The following BLTP2 variants were observed in gnomAD, a reference collection of about 807,000 sequenced individuals.
The protein encoded by BLTP2 is bridge-like lipid transfer protein family member 2.
the BLTP2 span, chr17:28,639,219 A>G: frequency 1.5e-6 from 2 of 1,296,926 alleles, no homozygotes. Context: ...GAGGTCAAAC[A>G]ACCAAATACA....
the BLTP2 span, chr17:28,615,272 A>G: frequency 8.9e-6 from 14 of 1,565,562 alleles, no homozygotes; most frequent in Non-Finnish European, 1.2e-5. Context: ...GGAGTAAAAG[A>G]AAATGTAAAT....
chr17:28,643,184 A>T, the BLTP2 span: 1 of 1,614,220 alleles, frequency 6.2e-7, no homozygotes, highest in Non-Finnish European at 8.5e-7. Flanking sequence ...ATCTTCAATA[A>T]GGATGGGCTG....
the BLTP2 span, chr17:28,635,415 G>A: frequency 6.2e-7 from 1 of 1,614,188 alleles, no homozygotes; most frequent in Non-Finnish European, 8.5e-7. Context: ...GCCGCTTTGG[G>A]GGTAATGGCT....
At chr17:28,640,804 C>A in the BLTP2 span, 6 of 866,026 alleles carry the variant, frequency 6.9e-6, no homozygotes, top group South Asian at 9.7e-5. Context: ...AATGCCTAAG[C>A]TGGATGGACC....
At chr17:28,620,399 A>G in the BLTP2 span, 1 of 1,269,684 alleles carries the variant, frequency 7.9e-7, no homozygotes, top group Admixed American at 2.2e-5. Context: ...ACCAACCACA[A>G]GGCCCTTTTT....
At chr17:28,618,427 A>G in the BLTP2 span, among the ~76,000 whole-genome samples, 1 of 151,598 alleles carries the variant, frequency 6.6e-6, no homozygotes, top group Non-Finnish European at 1.5e-5. Context: ...AATTTTTAAA[A>G]TTTTTGTTGA....
the BLTP2 span, chr17:28,617,424 T>C: frequency 1.4e-6 from 1 of 725,014 alleles, no homozygotes; most frequent in Non-Finnish European, 2.4e-6. Flanking sequence ...ATATGCCTAA[T>C]CCCAACCTTG....
chr17:28,621,033 C>T, the BLTP2 span: 2 of 1,614,188 alleles, frequency 1.2e-6, no homozygotes, highest in African/African-American at 1.3e-5. Flanking sequence ...TTCTCAAGAA[C>T]TTCAGGTGGC....
At chr17:28,642,329 G>C in the BLTP2 span, 5 of 1,614,150 alleles carry the variant, frequency 3.1e-6, no homozygotes, top group Non-Finnish European at 4.2e-6. Flanking sequence ...TCACCTCACA[G>C]ATTAGCCTGG....
the BLTP2 span, chr17:28,640,135 T>C: frequency 8.1e-7 from 1 of 1,232,340 alleles, no homozygotes; most frequent in Non-Finnish European, 1.1e-6. Flanking sequence ...TGGCTCACTC[T>C]TGTAATCCCA....
At chr17:28,634,932 A>G in the BLTP2 span, 18 of 1,613,924 alleles carry the variant, frequency 1.1e-5, no homozygotes, top group Non-Finnish European at 1.5e-5. Context: ...TCACCTCAAA[A>G]ACATCATCCA....
chr17:28,633,996 GGCTGACCACTCT>G, the BLTP2 span: 1 of 1,614,170 alleles, frequency 6.2e-7, no homozygotes. Context: ...ACGGGAGCAA[GGCTGACCACTCT>G]GCTCGGTGCC....
At chr17:28,615,211 T>C in the BLTP2 span, 40 of 1,613,712 alleles carry the variant, frequency 2.5e-5, no homozygotes, top group Non-Finnish European at 3.4e-5. Context: ...CCTCAGAGCC[T>C]GTTGCAGACT....
chr17:28,644,872 C>T, the BLTP2 span: 1 of 861,806 alleles, frequency 1.2e-6, no homozygotes, highest in South Asian at 1.5e-5. Flanking sequence ...TCCACCCTAC[C>T]CACTCTGCCT....
chr17:28,644,120 A>G, the BLTP2 span: 32 of 1,614,130 alleles, frequency 2.0e-5, no homozygotes, highest in Non-Finnish European at 2.6e-5. Context: ...AAGCGGAAGG[A>G]GCCAATCTTT....
At chr17:28,641,250 C>A in the BLTP2 span, among the ~76,000 whole-genome samples, 2 of 152,294 alleles carry the variant, frequency 1.3e-5, no homozygotes, top group African/African-American at 4.8e-5. Context: ...GCGGAACACA[C>A]AGATATGGAG....
At chr17:28,637,033 T>A in the BLTP2 span, 1 of 1,614,064 alleles carries the variant, frequency 6.2e-7, no homozygotes, top group South Asian at 1.1e-5. Context: ...GGGGTAGGGA[T>A]GTCAGGGGCC....
chr17:28,627,134 TG>T, the BLTP2 span, among the ~76,000 whole-genome samples: 1 of 152,232 alleles, frequency 6.6e-6, no homozygotes, highest in African/African-American at 2.4e-5. Flanking sequence ...CCCACACATT[TG>T]GTCACAGAAG....
the BLTP2 span, chr17:28,617,170 C>T: frequency 6.7e-5 from 93 of 1,393,998 alleles, no homozygotes; most frequent in Admixed American, 1.2e-4. Context: ...ACTGAAGGGC[C>T]GTTATAAATG....
Sources: allele counts gnomAD v4.1 joint callset (sites outside exome capture counted in the v4.1 genomes callset), GRCh38; gene constraint gnomAD v4.1.1; transcripts MANE v1.5; gene names NCBI Gene and HGNC (gene_info 2026-07-23, HGNC 2026-07-21).